CARD8: variants seen among roughly 807,000 people sequenced by gnomAD.
CARD8 encodes the protein caspase recruitment domain-containing protein 8.
A neutral mutation model predicts 53.2 loss-of-function variants in CARD8; 38 were observed. The observed-to-expected ratio is 0.71, with a 90% CI of 0.55 to 0.94. The LOEUF is 0.94. Ranked by LOEUF, CARD8 falls within the 40% of genes least tolerant of loss-of-function variation. The pLI is 0.00. For missense variants in CARD8, 561 were observed against 655.5 expected (o/e 0.86, Z 1.57); for synonymous variants, 245 against 244.9 (o/e 1.00, Z 0.00).
chr19:48,224,122 C>T (rs1460229131), intron 10 of CARD8, among the ~76,000 whole-genome samples: 2 of 152,098 alleles, frequency 1.3e-5, no homozygotes, highest in African/African-American at 2.4e-5. Flanking sequence ...CCAGCACGCC[C>T]GGCTAATTTT....
chr19:48,214,360 C>T (rs1022575346), intron 13 of CARD8, among the ~76,000 whole-genome samples: 2 of 152,190 alleles, frequency 1.3e-5, no homozygotes, highest in African/African-American at 4.8e-5. Flanking sequence ...AGGGAAAGGC[C>T]GTCTCCTGAC....
chr19:48,240,486 G>A (rs928603290), intron 4 of CARD8, among the ~76,000 whole-genome samples: 1 of 151,848 alleles, frequency 6.6e-6, no homozygotes. Flanking sequence ...AAGTACACCT[G>A]GGCCAGGCGC....
At chr19:48,229,172 A>C (rs558426872) in intron 10 of CARD8, among the ~76,000 whole-genome samples, 1 of 152,264 alleles carries the variant, frequency 6.6e-6, no homozygotes, top group African/African-American at 2.4e-5. Context: ...AAAAAGAACA[A>C]GGAGGCTTCT....
Position 48,209,894 on chromosome 19 carries a change from A to C in CARD8, c.*1816T>G, listed in dbSNP as rs2037729985. 6.6e-6 allele frequency: 1 copy of C among 152,310 alleles called. No individual in the cohort carries two copies. The highest frequency in any genetic ancestry group is 1.5e-5 in the Non-Finnish European group (1 of 68,026). The allele number at this position is 152,310 out of a possible 1,614,324, so 9.4% of individuals were successfully genotyped here. On this transcript the variant is annotated 3_prime_UTR_variant, in exon 14 of 14. Transcript: ENST00000651546. ...ATTTTGAAGGCCTTCTGGGCATATA[A>C]GCTATTGGAACTTGTCATCACTTAA...
intron 12 of CARD8, among the ~76,000 whole-genome samples, chr19:48,217,723 T>C (rs1387065705): frequency 2.0e-5 from 3 of 152,206 alleles, no homozygotes; most frequent in African/African-American, 7.2e-5. Context: ...TGCATCATTG[T>C]AGTTATTCAA....
chr19:48,227,361 G>A (rs2041992311), intron 10 of CARD8, among the ~76,000 whole-genome samples: 1 of 152,072 alleles, frequency 6.6e-6, no homozygotes, highest in East Asian at 1.9e-4. Flanking sequence ...TGCTTGTGGG[G>A]AATTCAGTTA....
downstream of CARD8, among the ~76,000 whole-genome samples, chr19:48,207,732 C>CTGTTTTTTTTTTTTGT (rs1599964429): frequency 3.3e-5 from 3 of 91,278 alleles, no homozygotes; most frequent in African/African-American, 1.3e-4. Flanking sequence ...TGTTGTTTTT[C>CTGTTTTTTTTTTTTGT]TGTTTTTTTT....
intron 3 of CARD8, among the ~76,000 whole-genome samples, chr19:48,243,596 TTTTAC>T (rs1395065382): frequency 1.3e-5 from 2 of 152,256 alleles, no homozygotes; most frequent in African/African-American, 4.8e-5. Context: ...AACACTTTTC[TTTTAC>T]TTAAGTATCG....
chr19:48,222,214 G>A (rs1162334799), intron 10 of CARD8, among the ~76,000 whole-genome samples: 2 of 152,326 alleles, frequency 1.3e-5, no homozygotes, highest in Admixed American at 6.5e-5. Context: ...TCTTTTTGGT[G>A]CCTCAGCAGA....
intron 10 of CARD8, among the ~76,000 whole-genome samples, chr19:48,224,943 C>T (rs112212848): frequency 1.2e-3 from 183 of 151,726 alleles, no homozygotes; most frequent in Non-Finnish European, 1.9e-3. Context: ...TTAGTAGAGA[C>T]GGGGTTTCAC....
At chr19:48,240,245 A>G (rs1378933553) in intron 4 of CARD8, among the ~76,000 whole-genome samples, 1 of 152,190 alleles carries the variant, frequency 6.6e-6, no homozygotes, top group Non-Finnish European at 1.5e-5. Context: ...TGAAACACAC[A>G]GAGGGAGGGC....
chr19:48,215,391 A>G lies in CARD8; in HGVS notation c.1304-7T>C. On this transcript the variant is annotated splice_region_variant and splice_polypyrimidine_tract_variant and intron_variant, in intron 12 of 13. Coordinates refer to ENST00000651546, the MANE Select transcript of CARD8 (RefSeq NM_001184900.3). Reference sequence around the variant, plus strand: ...GCTACAAGCTGGAGATCCACTACAAAAGAGGGAAAAATTATATGATGAGAT... The same window carrying G: ...GCTACAAGCTGGAGATCCACTACAAGAGAGGGAAAAATTATATGATGAGAT... 1.2e-6 allele frequency: 2 copies of G among 1,601,756 alleles called. No homozygotes were observed. The highest frequency in any genetic ancestry group is 2.2e-5 in the South Asian group (2 of 90,824).
chr19:48,221,790 G>A lies in CARD8; in HGVS notation c.1101C>T (p.Pro367=). Residue 367 remains proline, a synonymous_variant, in exon 11 of 14, where the codon CCC becomes CCT. Coordinates refer to ENST00000651546, the MANE Select transcript of CARD8 (RefSeq NM_001184900.3). ...VRLQTSPPME[P]LNFGSSYIVS... ...CAATATAACTGGAACCAAAGTTCAG[G>A]GGTTCCATTGGGGGCGAAGTCTGCA... 2.5e-6 allele frequency: 4 copies of A among 1,607,606 alleles called. No homozygotes were observed. The highest frequency in any genetic ancestry group is 3.4e-6 in the Non-Finnish European group (4 of 1,175,054).
chr19:48,230,625 C>A lies in CARD8; in HGVS notation c.848G>T (p.Arg283Leu). 1 of 1,614,074 alleles carries A rather than the reference C, an allele frequency of 6.2e-7. No homozygotes were observed. The highest frequency in any genetic ancestry group is 8.5e-7 in the Non-Finnish European group (1 of 1,180,008). The change falls in exon 10 of 14, where the codon CGG (arginine) becomes CTG (leucine). Residue 283 changes from arginine (R) to leucine (L), a missense_variant. Transcript: ENST00000651546. Reference sequence around the variant, plus strand: ...CAGGACAGCATAGAAAGGCTCCACCCGGGCTGGATGCTCCAGGACCATCCC... The same window carrying A: ...CAGGACAGCATAGAAAGGCTCCACCAGGGCTGGATGCTCCAGGACCATCCC... ...NEGMVLEHPA[R>L]VEPFYAVLES...
intron 6 of CARD8, 27 bp downstream of exon 6, chr19:48,234,376 G>C: frequency 6.3e-7 from 1 of 1,596,996 alleles, no homozygotes; most frequent in Non-Finnish European, 8.5e-7. Context: ...GCGTCCAATA[G>C]TTTTCCAACG....
At position 48,230,776 on chromosome 19, in the gene CARD8, C is replaced by A; in HGVS notation, c.772+1G>T. 6.2e-7 allele frequency: 1 copy of A among 1,614,038 alleles called. No homozygotes were observed. Among genetic ancestry groups the A allele is most frequent in the Non-Finnish European group, 8.5e-7 (1 of 1,179,884 alleles). On this transcript the variant is annotated splice_donor_variant, in intron 9 of 13. Coordinates refer to ENST00000651546, the MANE Select transcript of CARD8 (RefSeq NM_001184900.3). LOFTEE classifies it high-confidence loss of function. ...CACAGCCTCCGCTCACCCCACATTA[C>A]CTTGGAGGGAGATGAAGTGGGGGAG...
chr19:48,253,761 CA>C (rs1197807270), intron 1 of CARD8, among the ~76,000 whole-genome samples: 1 of 152,156 alleles, frequency 6.6e-6, no homozygotes, highest in Non-Finnish European at 1.5e-5. Flanking sequence ...TACATATTCA[CA>C]CTTTCAATAT....
chr19:48,218,731 T>C (rs2039893388), intron 12 of CARD8, 140 bp downstream of exon 12: 4 of 876,528 alleles, frequency 4.6e-6, no homozygotes, highest in Non-Finnish European at 7.1e-6. Context: ...CCTCCCTGTG[T>C]CCATGTGTTT....
intron 3 of CARD8, among the ~76,000 whole-genome samples, chr19:48,241,934 G>A (rs746223677): frequency 2.6e-5 from 4 of 152,066 alleles, no homozygotes; most frequent in Non-Finnish European, 4.4e-5. Flanking sequence ...ACCACAATCA[G>A]TTTTAGGACA....
Sources: allele counts gnomAD v4.1 joint callset (sites outside exome capture counted in the v4.1 genomes callset), GRCh38; gene constraint gnomAD v4.1.1; transcripts MANE v1.5; gene names NCBI Gene and HGNC (gene_info 2026-07-23, HGNC 2026-07-21).